The following WDR7 variants were observed in gnomAD, a reference collection of about 807,000 sequenced individuals.
WDR7 encodes the protein WD repeat domain 7.
Under a neutral mutation model 169.4 loss-of-function variants are expected in WDR7, and 46 were observed. That is an observed-to-expected ratio of 0.27 (90% CI 0.21 to 0.35). The LOEUF (loss-of-function observed/expected upper bound fraction) is 0.35, where lower values mean the gene tolerates loss of function less well. Among genes scored for constraint, WDR7 ranks in the 10% least tolerant of loss-of-function variants. The probability of loss-of-function intolerance (pLI) is 1.00; values close to 1 mark genes in which losing one functional copy is unlikely to be tolerated. For missense variants in WDR7, 1,534 were observed against 1,859.3 expected (o/e 0.83, Z 3.22); for synonymous variants, 612 against 666.8 (o/e 0.92, Z 1.27).
At chr18:56,851,060 G>C (rs1368665001) in intron 20 of WDR7, among the ~76,000 whole-genome samples, 3 of 152,196 alleles carry the variant, frequency 2.0e-5, no homozygotes, top group Admixed American at 2.0e-4. Context: ...TTATGATGTA[G>C]CCATAACCTG....
intron 19 of WDR7, among the ~76,000 whole-genome samples, chr18:56,799,935 A>C (rs2044645038): frequency 6.6e-6 from 1 of 152,158 alleles, no homozygotes; most frequent in Admixed American, 6.5e-5. Flanking sequence ...CAGTGACTCA[A>C]CTTCCTTTCC....
At chr18:56,943,168 T>C (rs2047055931) in intron 25 of WDR7, among the ~76,000 whole-genome samples, 1 of 152,224 alleles carries the variant, frequency 6.6e-6, no homozygotes, top group Admixed American at 6.5e-5. Flanking sequence ...AATTATTTTA[T>C]TGAATATCTG....
chr18:57,005,260 AT>A (rs930643576), intron 26 of WDR7, among the ~76,000 whole-genome samples: 18 of 152,094 alleles, frequency 1.2e-4, no homozygotes, highest in South Asian at 4.2e-4. Flanking sequence ...ATGTTAAATA[AT>A]TTTTTTTGTT....
At chr18:56,903,327 G>C (rs188884729) in intron 21 of WDR7, among the ~76,000 whole-genome samples, 297 of 152,198 alleles carry the variant, frequency 2.0e-3, no homozygotes, top group African/African-American at 6.8e-3. Flanking sequence ...TTCACTTGTT[G>C]TTTTGAGAGT....
chr18:56,779,880 TTA>T (rs1378351834), intron 18 of WDR7, among the ~76,000 whole-genome samples: 2 of 152,282 alleles, frequency 1.3e-5, no homozygotes, highest in Admixed American at 1.3e-4. Flanking sequence ...TCCCCCAGAA[TTA>T]CACACTCAGT....
intron 20 of WDR7, among the ~76,000 whole-genome samples, chr18:56,834,539 A>G (rs1040903516): frequency 6.6e-6 from 1 of 151,640 alleles, no homozygotes; most frequent in African/African-American, 2.4e-5. Context: ...ATCTCGTGTG[A>G]CCTGATTTCT....
At chr18:56,720,429 A>G (rs911766617) in intron 13 of WDR7, among the ~76,000 whole-genome samples, 5 of 152,164 alleles carry the variant, frequency 3.3e-5, no homozygotes, top group Non-Finnish European at 5.9e-5. Flanking sequence ...AGCCTGGGAG[A>G]CAGAGAGAGA....
rs2048376614 is a variant in WDR7, at chr18:57,027,075, C to G, written c.4341C>G (p.Tyr1447Ter). ...SAPQLRCIKT[Y>*]QVPPVQPASP... is the part of the protein sequence containing the mutation. ...CTCAGCTGCGCTGCATTAAAACCTACCAGGTGCCCCCTGTGCAGCCCGCGT... is the reference window on the plus strand; with the variant it reads ...CTCAGCTGCGCTGCATTAAAACCTAGCAGGTGCCCCCTGTGCAGCCCGCGT... Residue 1447 changes from tyrosine to a stop codon, truncating the protein, a stop_gained, in exon 28 of 28, where the codon TAC (tyrosine) becomes TAG (stop). Transcript: ENST00000254442. LOFTEE classifies it high-confidence loss of function. 1 of 1,614,036 alleles carries G rather than the reference C, an allele frequency of 6.2e-7. No individual in the cohort carries two copies. The highest frequency in any genetic ancestry group is 8.5e-7 in the Non-Finnish European group (1 of 1,180,046).
intron 20 of WDR7, among the ~76,000 whole-genome samples, chr18:56,837,849 G>A (rs920591400): frequency 3.3e-5 from 5 of 151,954 alleles, no homozygotes; most frequent in African/African-American, 7.3e-5. Flanking sequence ...TAGTAGAGAC[G>A]GGGTTTCACC....
chr18:56,986,515 A>T (rs558040437), intron 26 of WDR7, among the ~76,000 whole-genome samples: 1 of 152,280 alleles, frequency 6.6e-6, no homozygotes, highest in African/African-American at 2.4e-5. Flanking sequence ...TCAAACCACT[A>T]TAAAATAAGG....
intron 26 of WDR7, among the ~76,000 whole-genome samples, chr18:56,972,123 A>G (rs1307642445): frequency 6.6e-6 from 1 of 152,224 alleles, no homozygotes; most frequent in African/African-American, 2.4e-5. Context: ...AAATGAGCCA[A>G]TGTAATCTTC....
chr18:56,762,528 C>T (rs1362749313), intron 16 of WDR7, among the ~76,000 whole-genome samples: 1 of 151,960 alleles, frequency 6.6e-6, no homozygotes, highest in East Asian at 1.9e-4. Flanking sequence ...TTCTCTGATT[C>T]TAAATTTTCA....
At chr18:56,989,479 ATTC>A (rs1257429357) in intron 26 of WDR7, among the ~76,000 whole-genome samples, 2 of 152,178 alleles carry the variant, frequency 1.3e-5, no homozygotes, top group Non-Finnish European at 2.9e-5. Flanking sequence ...GAGATTTAAA[ATTC>A]TTCTTAGTAC....
At chr18:56,904,430 T>C (rs970616402) in intron 21 of WDR7, among the ~76,000 whole-genome samples, 1 of 152,188 alleles carries the variant, frequency 6.6e-6, no homozygotes, top group Non-Finnish European at 1.5e-5. Context: ...TAGTTTTTAA[T>C]TAGAAGTGTT....
intron 21 of WDR7, among the ~76,000 whole-genome samples, chr18:56,889,253 T>G (rs983891134): frequency 2.0e-5 from 3 of 152,202 alleles, no homozygotes; most frequent in Non-Finnish European, 4.4e-5. Context: ...CCAGTTCTCT[T>G]TCTATTTTAA....
At position 56,923,951 on chromosome 18, in the gene WDR7, C is replaced by T. The variant is rs1199474855; in HGVS notation, c.3556C>T (p.Pro1186Ser). 2 of 1,573,150 alleles carry T rather than the reference C, an allele frequency of 1.3e-6. No individual in the cohort carries two copies. Among genetic ancestry groups the T allele is most frequent in the Admixed American group, 1.9e-5 (1 of 51,408 alleles). The change falls in exon 22 of 28, where the codon CCT becomes TCT. Residue 1186 changes from proline (P) to serine (S), a missense_variant. Physicochemically the swap from Pro to Ser is moderately conservative, Grantham distance 74. Coordinates refer to ENST00000254442, the MANE Select transcript of WDR7 (RefSeq NM_015285.3). ...CKALTFLLLQ[P>S]PSPKLPPHST... is the part of the protein sequence containing the mutation. Reference sequence around the variant, plus strand: ...GGCACTGACGTTTCTTCTGCTACAGCCTCCAAGCCCCAAACTTCCTCCACA... The same window carrying T: ...GGCACTGACGTTTCTTCTGCTACAGTCTCCAAGCCCCAAACTTCCTCCACA...
intron 2 of WDR7, 120 bp downstream of exon 2, chr18:56,672,794 A>T (rs1374941550): frequency 1.0e-6 from 1 of 992,088 alleles, no homozygotes; most frequent in African/African-American, 1.7e-5. Flanking sequence ...ATGTGTTTTG[A>T]CTAAAACTAG....
intron 16 of WDR7, among the ~76,000 whole-genome samples, chr18:56,769,450 C>T (rs1260194967): frequency 1.3e-5 from 2 of 152,192 alleles, no homozygotes; most frequent in Admixed American, 6.5e-5. Context: ...CCTCCCACCC[C>T]AACCTCCCAA....
chr18:56,706,988 A>T (rs201288006), intron 12 of WDR7, among the ~76,000 whole-genome samples: 44 of 144,634 alleles, frequency 3.0e-4, no homozygotes, highest in East Asian at 4.1e-4. Flanking sequence ...CCAAATTTTT[A>T]TTTTTTTTTT....
Sources: allele counts gnomAD v4.1 joint callset (sites outside exome capture counted in the v4.1 genomes callset), GRCh38; gene constraint gnomAD v4.1.1; transcripts MANE v1.5; gene names NCBI Gene and HGNC (gene_info 2026-07-23, HGNC 2026-07-21).